The following MAP7D3 variants were observed in gnomAD, a reference collection of about 807,000 sequenced individuals.
MAP7D3 encodes the protein MAP7 domain-containing protein 3.
Under a neutral mutation model 62.2 loss-of-function variants are expected in MAP7D3, and 45 were observed. The observed-to-expected ratio is 0.72, with a 90% CI of 0.57 to 0.93. MAP7D3 has a LOEUF of 0.93. Among genes scored for constraint, MAP7D3 ranks in the 40% least tolerant of loss-of-function variants. MAP7D3 has a pLI of 0.00. For missense variants in MAP7D3, 711 were observed against 683.1 expected (o/e 1.04, Z -0.45); for synonymous variants, 288 against 248.8 (o/e 1.16, Z -1.48).
At chrX:136,240,817 T>C (rs1324199994) in intron 5 of MAP7D3, among the ~76,000 whole-genome samples, 1 of 112,199 alleles carries the variant, frequency 8.9e-6, no homozygotes, top group Non-Finnish European at 1.9e-5. Flanking sequence ...TAGAATTATG[T>C]GCATATAAGA....
downstream of MAP7D3, chrX:136,214,894 G>C (rs746393483): frequency 2.7e-5 from 3 of 111,730 alleles, no homozygotes; most frequent in East Asian, 8.5e-4. Flanking sequence ...CCATCACCTT[G>C]GCCTTGTAAA....
At chrX:136,229,963 G>GTGTA (rs1491580396) in intron 10 of MAP7D3, among the ~76,000 whole-genome samples, 4 of 35,966 alleles carry the variant, frequency 1.1e-4, no homozygotes, top group African/African-American at 3.9e-4. Context: ...TTTTGTGTGT[G>GTGTA]TATATATATA....
downstream of MAP7D3, chrX:136,213,507 CG>C (rs1424652235): frequency 9.0e-6 from 1 of 110,770 alleles, no homozygotes; most frequent in Admixed American, 9.6e-5. Flanking sequence ...ACCTGTGAGA[CG>C]TAAAATTTCT....
At chrX:136,256,274 G>A (rs934035934), upstream of MAP7D3, 9 of 1,153,496 alleles carry the variant, frequency 7.8e-6, no homozygotes, top group Admixed American at 1.3e-4. Context: ...CCACATCTGC[G>A]CTTTCTTCCC....
chrX:136,238,922 T>C (rs112816592), intron 6 of MAP7D3, among the ~76,000 whole-genome samples: 7 of 112,357 alleles, frequency 6.2e-5, no homozygotes, highest in African/African-American at 2.3e-4. Flanking sequence ...ACTGGAATTG[T>C]ATAGCAATCA....
chrX:136,219,419 TG>T lies in MAP7D3; in HGVS notation c.*10del, dbSNP rs772312699. The T allele has an allele frequency of 8.5e-7, 1 of 1,178,315 alleles. No individual in the cohort carries two copies. The highest frequency in any genetic ancestry group is 3.0e-5 in the East Asian group (1 of 33,653). On this transcript the variant is annotated 3_prime_UTR_variant, in exon 18 of 19. Transcript: ENST00000316077. ...TTACCCAAATGAGGAGAAACAGGTT[TG>T]CTTCTTCTCTTATTGTCTAAAGGTG...
rs950339434 is a variant in MAP7D3, at chrX:136,218,298, A to G, written c.*228T>C. The G allele has an allele frequency of 8.9e-6, 1 of 111,818 alleles. No homozygotes were observed. The highest frequency in any genetic ancestry group is 3.2e-5 in the African/African-American group (1 of 30,839). 9.2% of individuals were successfully genotyped at this position (111,818 alleles called of 1,213,427 possible). ...TTACTTAGAACTCTTGCTTAGACAC[A>G]AGAGAATAAGATGACTTTAACATCT... On this transcript the variant is annotated 3_prime_UTR_variant, in exon 19 of 19. Transcript: ENST00000316077.
chrX:136,220,812 G>A lies in MAP7D3; in HGVS notation c.2439C>T (p.Phe813=). The change falls in exon 16 of 19, where the codon TTC becomes TTT. Residue 813 remains phenylalanine (F), a synonymous_variant. Coordinates refer to ENST00000316077, the MANE Select transcript of MAP7D3 (RefSeq NM_024597.4). ...KTYFNGDLKN[F]RQKSMKDTSI... Reference sequence around the variant, plus strand: ...AAGTGTCTTTCATGCTTTTTTGTCTGAAGTTTTTCAAATCGCCATTAAAAT... The same window carrying A: ...AAGTGTCTTTCATGCTTTTTTGTCTAAAGTTTTTCAAATCGCCATTAAAAT... 1 of 1,211,080 alleles carries A rather than the reference G, an allele frequency of 8.3e-7. No homozygotes were observed. Among genetic ancestry groups the A allele is most frequent in the Non-Finnish European group, 1.1e-6 (1 of 895,066 alleles).
chrX:136,251,187 G>T, intron 1 of MAP7D3, 102 bp downstream of exon 1: 2 of 740,002 alleles, frequency 2.7e-6, no homozygotes, highest in Non-Finnish European at 3.8e-6. Context: ...CCAGGGAAAA[G>T]TTTTGTGGCG....
chrX:136,230,678 T>C, intron 9 of MAP7D3, 85 bp from the exon 10 acceptor site: 1 of 886,145 alleles, frequency 1.1e-6, no homozygotes, highest in Middle Eastern at 2.8e-4. Flanking sequence ...GATGACATTA[T>C]AATCAGGGAA....
At chrX:136,240,707 G>A (rs186795637) in intron 5 of MAP7D3, among the ~76,000 whole-genome samples, 25 of 111,291 alleles carry the variant, frequency 2.2e-4, no homozygotes, top group African/African-American at 7.8e-4. Flanking sequence ...TGATCTGCTC[G>A]CCTTGGCCTC....
rs927124899 is a variant in MAP7D3 at position 136,222,470 on chromosome X, C to T, written c.2210G>A (p.Ser737Asn). The T allele has an allele frequency of 1.7e-6, 2 of 1,197,828 alleles. No individual in the cohort carries two copies. Among genetic ancestry groups the T allele is most frequent in the African/African-American group, 3.5e-5 (2 of 56,927 alleles). Residue 737 changes from serine (S) to asparagine (N), a missense_variant, in exon 15 of 19, where the codon AGC becomes AAC. Physicochemically the swap from Ser to Asn is conservative, Grantham distance 46. Transcript: ENST00000316077. ...CTCAGCCTCTTCATATATGTCATGG[C>T]TGGATGTTTCTGTGACCTACGATTA... ...VNASKVTETS[S>N]HDIYEEAEAD...
rs369337084 is a variant in MAP7D3, at chrX:136,225,902, C to T, written c.2139+7G>A. 20 of 1,114,257 alleles carry T rather than the reference C, an allele frequency of 1.8e-5. No homozygotes were observed. Among genetic ancestry groups the T allele is most frequent in the African/African-American group, 7.3e-5 (4 of 55,094 alleles). 91.8% of individuals were successfully genotyped at this position (1,114,257 alleles called of 1,213,427 possible). On this transcript the variant is annotated splice_region_variant and intron_variant, in intron 13 of 18. Transcript: ENST00000316077. The stretch of plus-strand genomic sequence containing the variant: ...GAATCAAGTCCCCCCAAACAGAGAG[C>T]GAGTACCTTTTTCCTTTCTAACCGT...
intron 1 of MAP7D3, among the ~76,000 whole-genome samples, chrX:136,250,773 T>A (rs906955452): frequency 8.9e-6 from 1 of 111,922 alleles, no homozygotes; most frequent in Admixed American, 9.3e-5. Flanking sequence ...CGACCCGGGC[T>A]GGGGGATAAC....
At chrX:136,242,555 C>T (rs2074401782) in intron 4 of MAP7D3, among the ~76,000 whole-genome samples, 1 of 111,350 alleles carries the variant, frequency 9.0e-6, no homozygotes, top group South Asian at 3.9e-4. Flanking sequence ...CTCTCCCGCA[C>T]TAGCTATCTG....
At chrX:136,245,996 T>C (rs2074443590) in intron 3 of MAP7D3, 69 bp downstream of exon 3, 1 of 723,894 alleles carries the variant, frequency 1.4e-6, no homozygotes, top group African/African-American at 2.2e-5. Context: ...TTAGGAGGAA[T>C]AAGTTAAAAA....
At chrX:136,250,018 G>A (rs1325069553) in intron 1 of MAP7D3, among the ~76,000 whole-genome samples, 1 of 112,149 alleles carries the variant, frequency 8.9e-6, no homozygotes, top group African/African-American at 3.2e-5. Context: ...AGTAATGCTG[G>A]TTAATCTAAA....
At position 136,246,060 on chromosome X, in the gene MAP7D3, T is replaced by C; in HGVS notation, c.253+5A>G. ...TTGATTTTTGAAAAAAGGTCTAAAA[T>C]ATACCGTCTTGCTGTCTCCTTTTCT... On this transcript the variant is annotated splice_donor_5th_base_variant and intron_variant, in intron 3 of 18. Coordinates refer to ENST00000316077, the MANE Select transcript of MAP7D3 (RefSeq NM_024597.4). 8.5e-7 allele frequency: 1 copy of C among 1,173,645 alleles called. No homozygotes were observed. Among genetic ancestry groups the C allele is most frequent in the Non-Finnish European group, 1.1e-6 (1 of 869,901 alleles).
intron 7 of MAP7D3, among the ~76,000 whole-genome samples, 172 bp downstream of exon 7, chrX:136,236,072 A>G (rs2074326096): frequency 8.9e-6 from 1 of 112,636 alleles, no homozygotes; most frequent in Non-Finnish European, 1.9e-5. Context: ...TCATTTAAAG[A>G]CAGATTTTTC....
Sources: allele counts gnomAD v4.1 joint callset (sites outside exome capture counted in the v4.1 genomes callset), GRCh38; gene constraint gnomAD v4.1.1; transcripts MANE v1.5; gene names NCBI Gene and HGNC (gene_info 2026-07-23, HGNC 2026-07-21).